Variants in PCDHGB5 observed in about 807,000 individuals in gnomAD.
PCDHGB5 encodes the protein protocadherin gamma subfamily B, 5.
In PCDHGB5, 48 loss-of-function variants were observed where a neutral mutation model predicts 62.9. The ratio of observed to expected loss-of-function variants is 0.76; its 90% CI spans 0.61 to 0.97. PCDHGB5 has a LOEUF of 0.97. Among genes scored for constraint, PCDHGB5 ranks in the 50% least tolerant of loss-of-function variants. The pLI is 0.00. For missense variants in PCDHGB5, 1,118 were observed against 1,198.6 expected (o/e 0.93, Z 0.99); for synonymous variants, 474 against 511.2 (o/e 0.93, Z 0.98).
At chr5:141,418,778 T>A (rs1256260275) in intron 1 of PCDHGB5, 1 of 1,613,626 alleles carries the variant, frequency 6.2e-7, no homozygotes, top group East Asian at 2.2e-5. Flanking sequence ...TCAGCAGCCT[T>A]TGGATTTTGA....
intron 1 of PCDHGB5, chr5:141,417,867 G>C (rs1182017096): frequency 1.9e-6 from 3 of 1,552,610 alleles, no homozygotes; most frequent in African/African-American, 2.7e-5. Flanking sequence ...ACGATGGGAG[G>C]GAGCTGCGCG....
Position 141,477,412 on chromosome 5 carries a change from C to T in PCDHGB5, c.2398-17395C>T. 6 of 1,614,168 alleles carry T rather than the reference C, an allele frequency of 3.7e-6. No individual in the cohort carries two copies. The highest frequency in any genetic ancestry group is 1.1e-5 in the South Asian group (1 of 91,082). On this transcript the variant is annotated intron_variant, in intron 1 of 3. Coordinates refer to ENST00000617380, the MANE Select transcript of PCDHGB5 (RefSeq NM_018925.3). This position sits in a 1 kb window ranked among gnomAD's most constrained non-coding sequence, Gnocchi z 4.9. ...ACCTCAGCATCACCGCCCGAGACGC[C>T]GGAACCCCTTCCCTCTCAGCCCTTA... is the stretch of plus-strand genomic sequence containing the variant.
chr5:141,421,880 G>A (rs761272704), intron 1 of PCDHGB5: 3 of 1,613,600 alleles, frequency 1.9e-6, no homozygotes, highest in East Asian at 4.5e-5. Flanking sequence ...GCTTTAGATG[G>A]AGGCGATCCC....
At chr5:141,414,270 T>G in intron 1 of PCDHGB5, 1 of 1,613,476 alleles carries the variant, frequency 6.2e-7, no homozygotes, top group Non-Finnish European at 8.5e-7. Context: ...AAGATTCACC[T>G]CTGGGAACAG....
chr5:141,419,923 G>A, intron 1 of PCDHGB5: 4 of 1,614,088 alleles, frequency 2.5e-6, no homozygotes, highest in Non-Finnish European at 3.4e-6. Flanking sequence ...AGGCTGAGAT[G>A]CAGTTTTACC....
chr5:141,499,751 A>G (rs1355923543), intron 2 of PCDHGB5, among the ~76,000 whole-genome samples: 2 of 149,258 alleles, frequency 1.3e-5, no homozygotes, highest in Non-Finnish European at 3.0e-5. Flanking sequence ...CTGTGGCACA[A>G]TCTCAGCTCA....
At position 141,476,326 on chromosome 5, in the gene PCDHGB5, T is replaced by A. The variant is rs752845438; in HGVS notation, c.2398-18481T>A. Reference sequence around the variant, plus strand: ...CAGCCCGCAGGTTCCGGGTGGTGTCTGGAGCTAGCCGAAGATTCTTTGAGG... The same window carrying A: ...CAGCCCGCAGGTTCCGGGTGGTGTCAGGAGCTAGCCGAAGATTCTTTGAGG... On this transcript the variant is annotated intron_variant, in intron 1 of 3. Coordinates refer to ENST00000617380, the MANE Select transcript of PCDHGB5 (RefSeq NM_018925.3). This position sits in a 1 kb window ranked among gnomAD's most constrained non-coding sequence, Gnocchi z 7.6. The A allele has an allele frequency of 6.2e-7, 1 of 1,614,120 alleles. No individual in the cohort carries two copies. Among genetic ancestry groups the A allele is most frequent in the Non-Finnish European group, 8.5e-7 (1 of 1,180,034 alleles).
intron 1 of PCDHGB5, among the ~76,000 whole-genome samples, chr5:141,437,505 A>G (rs1429147239): frequency 6.6e-6 from 1 of 152,204 alleles, no homozygotes; most frequent in Non-Finnish European, 1.5e-5. Context: ...TTTTCAATGA[A>G]TTATAAGGCT....
At chr5:141,422,576 C>T in intron 1 of PCDHGB5, 1 of 1,614,034 alleles carries the variant, frequency 6.2e-7, no homozygotes, top group South Asian at 1.1e-5. Context: ...AACGATAACC[C>T]TCCCGTTTTT....
rs779250544 is a variant in PCDHGB5, at chr5:141,432,639, G to A, written c.2397+32115G>A. The A allele has an allele frequency of 1.2e-6, 2 of 1,613,816 alleles. No homozygotes were observed. Among genetic ancestry groups the A allele is most frequent in the Non-Finnish European group, 1.7e-6 (2 of 1,179,934 alleles). On this transcript the variant is annotated intron_variant, in intron 1 of 3. Coordinates refer to ENST00000617380, the MANE Select transcript of PCDHGB5 (RefSeq NM_018925.3). This position sits in a 1 kb window ranked among gnomAD's most constrained non-coding sequence, Gnocchi z 6.0. Reference sequence around the variant, plus strand: ...GTGGGTCTGCACACGGGCGAGGTGCGCACGGCGCGAGCCCTGCTGGACAGA... The same window carrying A: ...GTGGGTCTGCACACGGGCGAGGTGCACACGGCGCGAGCCCTGCTGGACAGA...
intron 1 of PCDHGB5, chr5:141,421,325 G>A: frequency 6.2e-7 from 1 of 1,613,906 alleles, no homozygotes; most frequent in Non-Finnish European, 8.5e-7. Context: ...AGGCAGATCC[G>A]ATATTCGGTG....
At chr5:141,448,926 C>T (rs528128105) in intron 1 of PCDHGB5, among the ~76,000 whole-genome samples, 5 of 152,256 alleles carry the variant, frequency 3.3e-5, no homozygotes, top group African/African-American at 9.6e-5. Context: ...GCCTGGGCGA[C>T]AGAGCAAGAC....
intron 1 of PCDHGB5, chr5:141,410,388 C>G (rs1312753736): frequency 6.2e-7 from 1 of 1,613,962 alleles, no homozygotes; most frequent in African/African-American, 1.3e-5. Flanking sequence ...TGCTTCCATC[C>G]TGGTCTCTGT....
chr5:141,501,945 T>G (rs1318749969), intron 2 of PCDHGB5, among the ~76,000 whole-genome samples: 5 of 152,106 alleles, frequency 3.3e-5, no homozygotes, highest in African/African-American at 1.2e-4. Context: ...CACTGCTCCC[T>G]GTGACAGGTC....
In PCDHGB5 at chr5:141,489,684, T is replaced by A; in HGVS notation, c.2398-5123T>A. 1 of 1,614,180 alleles carries A rather than the reference T, an allele frequency of 6.2e-7. No homozygotes were observed. Among genetic ancestry groups the A allele is most frequent in the South Asian group, 1.1e-5 (1 of 91,078 alleles). ...TGCGCATCTCAGAATCAGCAGCATC[T>A]GGGGCACGATTCCCACTGGACAGTG... On this transcript the variant is annotated intron_variant, in intron 1 of 3. Transcript: ENST00000617380. This position sits in a 1 kb window ranked among gnomAD's most constrained non-coding sequence, Gnocchi z 4.5.
chr5:141,439,455 C>T (rs62379163), intron 1 of PCDHGB5, among the ~76,000 whole-genome samples: 5,115 of 152,308 alleles, frequency 0.034, 100 homozygotes, highest in Middle Eastern at 0.088. Context: ...GGGAGCAAGA[C>T]TGCACTGCTG....
chr5:141,463,480 G>A (rs964539275), intron 1 of PCDHGB5, among the ~76,000 whole-genome samples: 3 of 114,320 alleles, frequency 2.6e-5, no homozygotes, highest in African/African-American at 1.1e-4. Context: ...ATGGAGTCTC[G>A]CTCTGTCACC....
intron 1 of PCDHGB5, chr5:141,409,119 C>A: frequency 6.2e-7 from 1 of 1,613,928 alleles, no homozygotes; most frequent in Non-Finnish European, 8.5e-7. Flanking sequence ...AATAACCAGT[C>A]ATTTGATTTT....
chr5:141,428,354 T>G, intron 1 of PCDHGB5: 1 of 572,018 alleles, frequency 1.7e-6, no homozygotes. Context: ...GCAGTGATTT[T>G]GGCGGTCGCC....
Sources: gnomAD v4.1 joint callset for allele counts (sites outside exome capture counted in the v4.1 genomes callset) on GRCh38, gnomAD v4.1.1 for gene constraint, Gnocchi (gnomAD v3.1) non-coding constraint, MANE v1.5 for transcripts, NCBI Gene and HGNC (gene_info 2026-07-23, HGNC 2026-07-21) for gene names.